SVOPL: variants seen among roughly 807,000 people sequenced by gnomAD.
SVOPL encodes SVOP like.
In SVOPL, 60 loss-of-function variants were observed where a neutral mutation model predicts 61.0. The observed-to-expected ratio is 0.98, with a 90% CI of 0.80 to 1.22. The LOEUF is 1.22. Among genes scored for constraint, SVOPL ranks in the 50% most tolerant of loss-of-function variants. The probability of loss-of-function intolerance (pLI) is 0.00; values close to 1 mark genes in which losing one functional copy is unlikely to be tolerated. For missense variants in SVOPL, 662 were observed against 643.9 expected (o/e 1.03, Z -0.30); for synonymous variants, 279 against 250.0 (o/e 1.12, Z -1.09).
At chr7:138,611,879 C>A (rs1288581529) in intron 14 of SVOPL, among the ~76,000 whole-genome samples, 9 of 77,798 alleles carry the variant, frequency 1.2e-4, no homozygotes, top group African/African-American at 1.8e-4. Flanking sequence ...CCGGCCGCCA[C>A]CCCGTCTGGG....
At chr7:138,621,973 T>C (rs990270228) in intron 13 of SVOPL, among the ~76,000 whole-genome samples, 1 of 142,592 alleles carries the variant, frequency 7.0e-6, no homozygotes, top group East Asian at 2.0e-4. Flanking sequence ...TATCTATCTA[T>C]GTATCTATCT....
intron 1 of SVOPL, among the ~76,000 whole-genome samples, chr7:138,687,712 T>G (rs1584869839): frequency 6.9e-6 from 1 of 145,544 alleles, no homozygotes; most frequent in Admixed American, 6.8e-5. Flanking sequence ...AAAAACAGAA[T>G]GGGAGAGAGT....
chr7:138,631,983 CAT>C (rs887978627), intron 9 of SVOPL, among the ~76,000 whole-genome samples: 24 of 151,584 alleles, frequency 1.6e-4, no homozygotes, highest in East Asian at 5.8e-4. Flanking sequence ...CACACACACA[CAT>C]ACACACACCC....
chr7:138,693,552 AGAAAGAAAGAAAGAAAGAAAGAAAAAAG>A (rs1190213657), intron 1 of SVOPL, among the ~76,000 whole-genome samples: 29 of 138,776 alleles, frequency 2.1e-4, no homozygotes, highest in African/African-American at 9.1e-4. Context: ...AAAGAAAGAA[AGAAAGAAAGAAAGAAAGAAAGAAAAAAG>A]GAAAGAAAGA....
chr7:138,626,830 G>A lies in SVOPL; in HGVS notation c.1181+520C>T, dbSNP rs1347073967. ...CACTGCATTCCCGCCTGGGTGACAA[G>A]GTGAGAGAACCTGTCTCAAAGAAAA... On this transcript the variant is annotated intron_variant, in intron 12 of 15. Coordinates refer to ENST00000674285, the MANE Select transcript of SVOPL (RefSeq NM_001139456.2). Among the ~76,000 whole-genome samples, 11 of 139,970 alleles carry A rather than the reference G, an allele frequency of 7.9e-5. 1 individual carries two copies. In the East Asian group the frequency reaches 1.3e-3, roughly 16 times the overall value. 91.8% of individuals were successfully genotyped at this position (139,970 alleles called of 152,430 possible).
At chr7:138,669,716 A>C (rs1802369099) in intron 4 of SVOPL, among the ~76,000 whole-genome samples, 2 of 152,196 alleles carry the variant, frequency 1.3e-5, no homozygotes, top group African/African-American at 2.4e-5. Context: ...GCCCACTGGC[A>C]TCCTCCACTG....
chr7:138,658,868 GC>G (rs1218913139), intron 6 of SVOPL, among the ~76,000 whole-genome samples: 7 of 135,394 alleles, frequency 5.2e-5, no homozygotes, highest in East Asian at 5.0e-4. Context: ...AATTTGAAGT[GC>G]CCCCCCGCCC....
chr7:138,651,154 A>G (rs561419130), intron 7 of SVOPL, among the ~76,000 whole-genome samples: 44 of 152,208 alleles, frequency 2.9e-4, no homozygotes, highest in African/African-American at 8.7e-4. Flanking sequence ...AGGACAGCCT[A>G]AAGGGGTAGC....
intron 5 of SVOPL, chr7:138,660,588 C>T (rs1801959547): frequency 3.0e-6 from 3 of 985,400 alleles, no homozygotes; most frequent in Non-Finnish European, 3.6e-6. Flanking sequence ...CCTTGCTCTA[C>T]TGTTGCAGTT....
chr7:138,594,598 C>G lies in SVOPL; in HGVS notation c.*12G>C. 1 of 1,594,318 alleles carries G rather than the reference C, an allele frequency of 6.3e-7. No homozygotes were observed. The highest frequency in any genetic ancestry group is 8.5e-7 in the Non-Finnish European group (1 of 1,171,462). ...CATTTTTCTCATCTGGTAGACATAG[C>G]TTTGCAGGTCTTCATTTAATTTGCT... On this transcript the variant is annotated 3_prime_UTR_variant, in exon 16 of 16. Transcript: ENST00000674285.
intron 6 of SVOPL, among the ~76,000 whole-genome samples, chr7:138,658,285 T>TC (rs894263499): frequency 6.7e-4 from 102 of 151,622 alleles, no homozygotes; most frequent in Non-Finnish European, 8.4e-4. Flanking sequence ...TCTGACATAT[T>TC]CCCCCCCCTC....
chr7:138,673,899 G>C (rs887904377), intron 3 of SVOPL, among the ~76,000 whole-genome samples: 5 of 152,032 alleles, frequency 3.3e-5, no homozygotes, highest in Non-Finnish European at 7.4e-5. Context: ...AGACAACCAG[G>C]ACTGACCAGG....
chr7:138,666,283 C>G (rs1430038192), intron 4 of SVOPL, among the ~76,000 whole-genome samples: 2 of 152,238 alleles, frequency 1.3e-5, no homozygotes, highest in Non-Finnish European at 2.9e-5. Context: ...ACTCATTTCT[C>G]TGGAGAGCTT....
chr7:138,598,224 G>T (rs1798361805), intron 14 of SVOPL, among the ~76,000 whole-genome samples: 1 of 152,060 alleles, frequency 6.6e-6, no homozygotes. Context: ...CTAAAAAGCA[G>T]CCCAGACCAG....
intron 13 of SVOPL, among the ~76,000 whole-genome samples, chr7:138,622,018 G>C (rs202173819): frequency 0.033 from 725 of 22,230 alleles, 17 homozygotes; most frequent in Non-Finnish European, 0.038. Context: ...ATCTATCTAT[G>C]TATCTATCTA....
intron 1 of SVOPL, among the ~76,000 whole-genome samples, chr7:138,693,529 A>AAAAGAAAGAAAG (rs745407235): frequency 0.099 from 11,573 of 116,984 alleles, 696 homozygotes; most frequent in South Asian, 0.11. Flanking sequence ...AAAAGAAAGA[A>AAAAGAAAGAAAG]AAAGAAAGAA....
intron 3 of SVOPL, among the ~76,000 whole-genome samples, chr7:138,677,222 C>T (rs1235899558): frequency 6.6e-6 from 1 of 152,018 alleles, no homozygotes; most frequent in Non-Finnish European, 1.5e-5. Context: ...TTTTTCTTAT[C>T]CCTACACCCC....
chr7:138,642,848 A>AAAAAAAAAAAAAAAAAAAAAAAAAC (rs1437306629), intron 9 of SVOPL, among the ~76,000 whole-genome samples: 1 of 35,448 alleles, frequency 2.8e-5, no homozygotes, highest in African/African-American at 5.5e-5. Context: ...AAAAAAAAAA[A>AAAAAAAAAAAAAAAAAAAAAAAAAC]AAGAAGAAAC....
intron 4 of SVOPL, among the ~76,000 whole-genome samples, chr7:138,666,392 G>A (rs974203067): frequency 4.6e-5 from 7 of 152,162 alleles, no homozygotes; most frequent in Non-Finnish European, 4.4e-5. Flanking sequence ...TAAAAACTTT[G>A]TTTTATTTCT....
Sources: gnomAD v4.1 joint callset for allele counts (sites outside exome capture counted in the v4.1 genomes callset) on GRCh38, gnomAD v4.1.1 for gene constraint, MANE v1.5 for transcripts, NCBI Gene and HGNC (gene_info 2026-07-23, HGNC 2026-07-21) for gene names.